The following SHOC1 variants were observed in gnomAD, a reference collection of about 807,000 sequenced individuals.
The protein encoded by SHOC1 is protein shortage in chiasmata 1 ortholog.
A neutral mutation model predicts 179.2 loss-of-function variants in SHOC1; 136 were observed. The ratio of observed to expected loss-of-function variants is 0.76; its 90% CI spans 0.66 to 0.87. SHOC1 has a LOEUF of 0.87. SHOC1 is among the 40% of genes least tolerant of loss of function. The pLI is 0.00. For synonymous variants in SHOC1, 489 were observed against 586.6 expected, an observed-to-expected ratio of 0.83 and a Z score of 2.41; for missense variants, 1,538 against 1,700.8, an observed-to-expected ratio of 0.90 and a Z score of 1.68.
intron 13 of SHOC1, among the ~76,000 whole-genome samples, chr9:111,726,117 G>T (rs899910376): frequency 6.6e-5 from 10 of 152,042 alleles, no homozygotes; most frequent in African/African-American, 2.4e-4. Context: ...ATGCAGAAGC[G>T]ATGCTTGAAT....
chr9:111,780,175 G>C (rs1411572784), intron 4 of SHOC1, among the ~76,000 whole-genome samples: 1 of 152,114 alleles, frequency 6.6e-6, no homozygotes, highest in Non-Finnish European at 1.5e-5. Context: ...GGGCTTCACT[G>C]TATCCAGAGT....
intron 16 of SHOC1, among the ~76,000 whole-genome samples, chr9:111,717,086 G>A (rs1832824646): frequency 6.6e-6 from 1 of 152,206 alleles, no homozygotes; most frequent in African/African-American, 2.4e-5. Context: ...TAGAATATCT[G>A]AGGTCCCACT....
chr9:111,694,816 TTGA>T (rs1371780742), intron 24 of SHOC1, among the ~76,000 whole-genome samples: 2 of 152,078 alleles, frequency 1.3e-5, no homozygotes, highest in African/African-American at 4.8e-5. Flanking sequence ...ATAAATGAAT[TTGA>T]TGTTGTATTC....
intron 12 of SHOC1, among the ~76,000 whole-genome samples, chr9:111,729,854 T>C (rs1411054984): frequency 1.4e-5 from 2 of 148,142 alleles, no homozygotes; most frequent in Non-Finnish European, 3.0e-5. Flanking sequence ...ATCATGCTAC[T>C]GCACTTCAGC....
rs138844344 is a variant in SHOC1, at chr9:111,729,823, C to T, written c.1418-1774G>A. Among the ~76,000 whole-genome samples, 988 of 149,202 alleles carry T rather than the reference C, an allele frequency of 6.6e-3. 17 individuals are homozygous for T. The highest frequency in any genetic ancestry group is 0.024 in the African/African-American group (957 of 40,458). ...AGGAGAATCGCTTGAACCTGAGAGG[C>T]GGAGGGTACAGTGAGCCAAGATCAT... On this transcript the variant is annotated intron_variant, in intron 12 of 27. Coordinates refer to ENST00000682961, the MANE Select transcript of SHOC1 (RefSeq NM_001378211.1).
At chr9:111,701,760 A>G (rs1284926410) in intron 23 of SHOC1, among the ~76,000 whole-genome samples, 1 of 152,290 alleles carries the variant, frequency 6.6e-6, no homozygotes, top group East Asian at 1.9e-4. Context: ...TTAGACTCTT[A>G]CGTTCGAACT....
rs1395780868 is a variant in SHOC1, at chr9:111,691,628, T to C, written c.4349A>G (p.Gln1450Arg). The change falls in exon 27 of 28, where the codon CAA (glutamine) becomes CGA (arginine). Residue 1450 changes from glutamine (Q) to arginine (R), a missense_variant. Coordinates refer to ENST00000682961, the MANE Select transcript of SHOC1 (RefSeq NM_001378211.1). ...QKEFNSLYFYQRAGKSLGQKR... is the reference protein window; with the variant it reads ...QKEFNSLYFYRRAGKSLGQKR... ...CTGTCCTAAACTTTTTCCAGCTCTTTGGTAGAAATAAAGGCTGTTGAATTC... is the reference window on the plus strand; with the variant it reads ...CTGTCCTAAACTTTTTCCAGCTCTTCGGTAGAAATAAAGGCTGTTGAATTC... 4.3e-6 allele frequency: 7 copies of C among 1,613,868 alleles called. No individual in the cohort carries two copies. The highest frequency in any genetic ancestry group is 5.9e-6 in the Non-Finnish European group (7 of 1,179,952).
chr9:111,793,485 C>T (rs749322148), intron 1 of SHOC1, among the ~76,000 whole-genome samples: 1 of 152,120 alleles, frequency 6.6e-6, no homozygotes, highest in Admixed American at 6.5e-5. Context: ...ATGTTATATA[C>T]ATGCTTAGAA....
intron 15 of SHOC1, 147 bp downstream of exon 15, chr9:111,722,262 T>C: frequency 1.6e-6 from 1 of 628,814 alleles, no homozygotes; most frequent in Non-Finnish European, 2.6e-6. Flanking sequence ...CCTCCAGTAT[T>C]GGTTTGGCTG....
intron 15 of SHOC1, among the ~76,000 whole-genome samples, chr9:111,721,486 C>T (rs1380267959): frequency 6.6e-6 from 1 of 152,080 alleles, no homozygotes; most frequent in East Asian, 1.9e-4. Context: ...ATTACAGGTG[C>T]CCGCCACCAC....
At chr9:111,772,866 C>A (rs1256957585) in intron 5 of SHOC1, among the ~76,000 whole-genome samples, 1 of 152,142 alleles carries the variant, frequency 6.6e-6, no homozygotes, top group Non-Finnish European at 1.5e-5. Context: ...AGTCATGATG[C>A]TTTCCACAGG....
chr9:111,779,731 G>A (rs948040982), intron 4 of SHOC1, among the ~76,000 whole-genome samples: 1 of 152,066 alleles, frequency 6.6e-6, no homozygotes, highest in African/African-American at 2.4e-5. Flanking sequence ...CCTAGAAATA[G>A]ATTAGAATTG....
At chr9:111,771,400 C>T (rs1835601733) in intron 5 of SHOC1, among the ~76,000 whole-genome samples, 1 of 152,052 alleles carries the variant, frequency 6.6e-6, no homozygotes. Context: ...GGGCTTCATA[C>T]TAGAGTTATG....
chr9:111,714,368 G>T, intron 17 of SHOC1, 77 bp downstream of exon 17: 1 of 1,495,434 alleles, frequency 6.7e-7, no homozygotes, highest in East Asian at 2.3e-5. Flanking sequence ...TAATTTTAAA[G>T]TTAAATGCAA....
intron 9 of SHOC1, among the ~76,000 whole-genome samples, chr9:111,747,709 T>G (rs1834359049): frequency 6.6e-6 from 1 of 151,968 alleles, no homozygotes; most frequent in South Asian, 2.1e-4. Flanking sequence ...GCCTCCTGAG[T>G]GTCTGGGATT....
chr9:111,775,083 T>TC (rs1835779812), intron 5 of SHOC1, among the ~76,000 whole-genome samples: 3 of 151,996 alleles, frequency 2.0e-5, no homozygotes. Flanking sequence ...GTAACCTCCG[T>TC]CCCCTGGGTT....
At chr9:111,769,975 G>GTTTGTTTTTTTTTTTTTTTTTTTTTTTT (rs1564161086) in intron 5 of SHOC1, among the ~76,000 whole-genome samples, 4 of 87,806 alleles carry the variant, frequency 4.6e-5, no homozygotes, top group Admixed American at 1.1e-4. Context: ...TTTATCTTCT[G>GTTTGTTTTTTTTTTTTTTTTTTTTTTTT]TTTTTTTTTT....
Position 111,727,694 on chromosome 9 carries a change from C to T in SHOC1, c.1773G>A (p.Leu591=). Residue 591 remains leucine, a synonymous_variant, in exon 13 of 28, where the codon CTG becomes CTA. Coordinates refer to ENST00000682961, the MANE Select transcript of SHOC1 (RefSeq NM_001378211.1). ...DLDLLSDFIM[L]RNKYKTCTSK... ...AGGTGCAAGTCTTATATTTATTTCG[C>T]AGCATAATAAAGTCGCTCAAAAGGT... 1 of 1,607,450 alleles carries T rather than the reference C, an allele frequency of 6.2e-7. No homozygotes were observed. The highest frequency in any genetic ancestry group is 8.5e-7 in the Non-Finnish European group (1 of 1,178,108).
At chr9:111,759,849 T>A (rs1056816979) in intron 5 of SHOC1, among the ~76,000 whole-genome samples, 2 of 152,226 alleles carry the variant, frequency 1.3e-5, no homozygotes, top group African/African-American at 2.4e-5. Flanking sequence ...TGCTTGGTGC[T>A]AACTTGATAT....
Sources: gnomAD v4.1 joint callset for allele counts (sites outside exome capture counted in the v4.1 genomes callset) on GRCh38, gnomAD v4.1.1 for gene constraint, MANE v1.5 for transcripts, NCBI Gene and HGNC (gene_info 2026-07-23, HGNC 2026-07-21) for gene names.